ABHD5: variants seen among roughly 807,000 people sequenced by gnomAD.
ABHD5 encodes the protein abhydrolase domain containing 5, lysophosphatidic acid acyltransferase, also known as 1-acylglycerol-3-phosphate O-acyltransferase ABHD5.
ABHD5 carries 30 observed loss-of-function variants against 44.9 expected under a neutral mutation model. That is an observed-to-expected ratio of 0.67 (90% CI 0.50 to 0.91). The LOEUF is 0.91. Among genes scored for constraint, ABHD5 ranks in the 40% least tolerant of loss-of-function variants. ABHD5 has a pLI of 0.00. For missense variants in ABHD5, 399 were observed against 423.4 expected (o/e 0.94, Z 0.50); for synonymous variants, 167 against 147.0 (o/e 1.14, Z -0.99).
At chr3:43,691,340 C>G in intron 1 of ABHD5, 1 of 248,866 alleles carries the variant, frequency 4.0e-6, no homozygotes. Flanking sequence ...AGCCACCCCG[C>G]GGGCCGGCGA....
At chr3:43,730,986 G>A (rs989106548) in intron 7 of ABHD5, among the ~76,000 whole-genome samples, 11 of 151,946 alleles carry the variant, frequency 7.2e-5, no homozygotes, top group Non-Finnish European at 1.5e-4. Context: ...ATGCCAACAC[G>A]CCTGGCTAAT....
In ABHD5 at chr3:43,717,966, A is replaced by G. The variant is rs781056183; in HGVS notation, c.960+109A>G. 68 of 1,424,748 alleles carry G rather than the reference A, an allele frequency of 4.8e-5. 1 individual carries two copies. Among genetic ancestry groups the G allele is most frequent in the Non-Finnish European group, 7.9e-6 (8 of 1,016,444 alleles). The allele number at this position is 1,424,748 out of a possible 1,614,324, so 88.3% of individuals were successfully genotyped here. On this transcript the variant is annotated intron_variant, in intron 6 of 6. Coordinates refer to ENST00000644371, the MANE Select transcript of ABHD5 (RefSeq NM_016006.6). ...TCGTGTTGCAGGTCATCTGAGCCAT[A>G]CCTGCAGCCTCAGTCGGGGACGTGA...
downstream of ABHD5, among the ~76,000 whole-genome samples, chr3:43,725,571 A>G (rs2084871781): frequency 6.6e-6 from 1 of 152,228 alleles, no homozygotes; most frequent in Non-Finnish European, 1.5e-5. Flanking sequence ...TAAGGTGCCC[A>G]TTGTTTGAAA....
intron 7 of ABHD5, among the ~76,000 whole-genome samples, chr3:43,729,221 G>C (rs571717250): frequency 6.6e-6 from 1 of 152,264 alleles, no homozygotes; most frequent in Admixed American, 6.5e-5. Context: ...TATACGATGG[G>C]GAGCTTGATG....
intron 1 of ABHD5, among the ~76,000 whole-genome samples, chr3:43,693,667 T>TTA (rs2084431357): frequency 6.6e-6 from 1 of 152,174 alleles, no homozygotes; most frequent in Non-Finnish European, 1.5e-5. Context: ...TTTGAAACTC[T>TTA]TATTAGACAT....
At position 43,702,197 on chromosome 3, in the gene ABHD5, C is replaced by T. The variant is rs367883757; in HGVS notation, c.134-18C>T. 16 of 1,570,084 alleles carry T rather than the reference C, an allele frequency of 1.0e-5. No individual in the cohort carries two copies. In the African/African-American group the frequency reaches 2.1e-4, roughly 20 times the overall value. On this transcript the variant is annotated intron_variant, in intron 2 of 6. Transcript: ENST00000644371. The stretch of plus-strand genomic sequence containing the variant: ...AGTAATAAAATGAAACAGAATTTCT[C>T]TTTTATGTTTTCATTAGGTGTGCCT...
intron 1 of ABHD5, among the ~76,000 whole-genome samples, chr3:43,697,234 T>A (rs2084484533): frequency 6.6e-6 from 1 of 152,208 alleles, no homozygotes; most frequent in Non-Finnish European, 1.5e-5. Context: ...TGTCGTTTTT[T>A]AAAAAAGTAT....
chr3:43,729,497 G>T (rs1420296854), intron 7 of ABHD5, among the ~76,000 whole-genome samples: 1 of 152,186 alleles, frequency 6.6e-6, no homozygotes, highest in Non-Finnish European at 1.5e-5. Flanking sequence ...GCCCAGAGAG[G>T]TTAAGTGACT....
Position 43,719,877 on chromosome 3 carries a change from T to C in ABHD5, c.*1345T>C, listed in dbSNP as rs1365083375. 8.3e-6 allele frequency: 1 copy of C among 120,006 alleles called. No individual in the cohort carries two copies. Among genetic ancestry groups the C allele is most frequent in the Non-Finnish European group, 1.7e-5 (1 of 60,208 alleles). The allele number at this position is 120,006 out of a possible 1,614,324, so 7.4% of individuals were successfully genotyped here. A position where few individuals can be genotyped will look rare whatever the true frequency, so the allele number is the denominator to read the frequency against. On this transcript the variant is annotated 3_prime_UTR_variant, in exon 7 of 7. Coordinates refer to ENST00000644371, the MANE Select transcript of ABHD5 (RefSeq NM_016006.6). ...AATAAAAACAGTGAACTAGAGCAAA[T>C]AGTGGTTTAATGGTTTTGTTATTGC...
rs138876970 is a variant in ABHD5, at chr3:43,711,752, C to T, written c.550C>T (p.Arg184Ter). Reference protein sequence around the residue: ...ILVEPWGFPERPDLADQDRPI... With the variant: ...ILVEPWGFPE The stretch of plus-strand genomic sequence containing the variant: ...AGTGGAGCCTTGGGGTTTCCCTGAA[C>T]GACCAGACCTTGCTGATCAAGACAG... Residue 184 changes from arginine (R) to a stop codon, truncating the protein, a stop_gained, in exon 4 of 7, where the codon CGA becomes TGA. Coordinates refer to ENST00000644371, the MANE Select transcript of ABHD5 (RefSeq NM_016006.6). LOFTEE classifies it high-confidence loss of function. 7 of 1,614,030 alleles carry T rather than the reference C, an allele frequency of 4.3e-6. No individual in the cohort carries two copies. Among genetic ancestry groups the T allele is most frequent in the Admixed American group, 3.3e-5 (2 of 59,994 alleles).
At position 43,729,196 on chromosome 3, in the gene ABHD5, G is replaced by A. The variant is rs551802400; in HGVS notation, c.*30-4684G>A. Among the ~76,000 whole-genome samples, 8 of 152,308 alleles carry A rather than the reference G, an allele frequency of 5.3e-5. No individual in the cohort carries two copies. The South Asian group carries it at 1.7e-3, about 32-fold the overall frequency. On this transcript the variant is annotated intron_variant, in intron 7 of 7. Transcript: ENST00000454293. The stretch of plus-strand genomic sequence containing the variant: ...TGCACAACAGTAACGACTTTGTGGT[G>A]AGGTTGGCAGAGAATATACGATGGG...
At chr3:43,691,164 G>A (rs2084370347) in intron 1 of ABHD5, 125 bp downstream of exon 1, 1 of 978,878 alleles carries the variant, frequency 1.0e-6, no homozygotes, top group Non-Finnish European at 1.4e-6. Context: ...CGGCTTCCTC[G>A]ACCCTCCCCG....
rs753057064 is a variant in ABHD5, at chr3:43,699,336, A to G, written c.108A>G (p.Lys36=). 6.2e-7 allele frequency: 1 copy of G among 1,613,948 alleles called. No homozygotes were observed. The highest frequency in any genetic ancestry group is 1.1e-5 in the South Asian group (1 of 91,080). ...TWCPTSISHL[K]EAEEKMLKCV... ...GCCCTACGTCTATATCACACCTTAA[A>G]GAAGCTGAAGAGAAGATGTTAAAAT... The change falls in exon 2 of 7, where the codon AAA becomes AAG. Residue 36 remains lysine (K), a synonymous_variant. Transcript: ENST00000644371.
At chr3:43,701,042 A>T (rs1321193013) in intron 2 of ABHD5, among the ~76,000 whole-genome samples, 1 of 152,220 alleles carries the variant, frequency 6.6e-6, no homozygotes, top group African/African-American at 2.4e-5. Context: ...TAACAGACAT[A>T]ATGATTCCCT....
At chr3:43,717,942 C>T (rs772849018) in intron 6 of ABHD5, 85 bp downstream of exon 6, 55 of 1,558,284 alleles carry the variant, frequency 3.5e-5, no homozygotes, top group African/African-American at 5.4e-5. Context: ...AGGTCATCCT[C>T]GTGTTGCAGG....
intron 5 of ABHD5, among the ~76,000 whole-genome samples, chr3:43,716,033 G>T (rs2084757974): frequency 6.6e-6 from 1 of 152,112 alleles, no homozygotes; most frequent in Non-Finnish European, 1.5e-5. Flanking sequence ...AGAGAGAATG[G>T]GGCATAGTAG....
upstream of ABHD5, chr3:43,690,904 C>T: frequency 1.4e-6 from 2 of 1,408,350 alleles, no homozygotes; most frequent in African/African-American, 1.5e-5. Context: ...GCGGCCTGCG[C>T]CGCCTTAAGT....
At chr3:43,708,324 G>A (rs1258708498) in intron 3 of ABHD5, among the ~76,000 whole-genome samples, 1 of 152,160 alleles carries the variant, frequency 6.6e-6, no homozygotes, top group East Asian at 1.9e-4. Flanking sequence ...TCCCAGCAGG[G>A]AACCCTCTCT....
chr3:43,726,146 G>C (rs1002538504), downstream of ABHD5, among the ~76,000 whole-genome samples: 1 of 152,132 alleles, frequency 6.6e-6, no homozygotes, highest in Non-Finnish European at 1.5e-5. Flanking sequence ...TTATAGGTGT[G>C]AGCCACCGCA....
Sources: allele counts gnomAD v4.1 joint callset (sites outside exome capture counted in the v4.1 genomes callset), GRCh38; gene constraint gnomAD v4.1.1; transcripts MANE v1.5; gene names NCBI Gene and HGNC (gene_info 2026-07-23, HGNC 2026-07-21).